The following ITFG2 variants were observed in gnomAD, a reference collection of about 807,000 sequenced individuals.
ITFG2 encodes integrin alpha FG-GAP repeat containing 2.
Under a neutral mutation model 54.4 loss-of-function variants are expected in ITFG2, and 36 were observed. The observed-to-expected ratio is 0.66, with a 90% CI of 0.51 to 0.87. The LOEUF (loss-of-function observed/expected upper bound fraction) is 0.87. Ranked by LOEUF, ITFG2 falls within the 40% of genes least tolerant of loss-of-function variation. The pLI, the probability that ITFG2 is intolerant of heterozygous loss-of-function variation, is 0.00. For missense variants in ITFG2, 524 were observed against 576.7 expected, an observed-to-expected ratio of 0.91 and a Z score of 0.94; for synonymous variants, 211 against 225.4, an observed-to-expected ratio of 0.94 and a Z score of 0.57.
intron 5 of ITFG2, 68 bp from the exon 6 acceptor site, chr12:2,820,656 C>CCCCCCCCTTTT: frequency 8.8e-7 from 1 of 1,141,416 alleles, no homozygotes; most frequent in Non-Finnish European, 1.3e-6. Flanking sequence ...CCACCGCCCC[C>CCCCCCCCTTTT]TGCCGTTCTC....
At chr12:2,812,910 A>G in intron 1 of ITFG2, 54 bp downstream of exon 1, 3 of 1,490,688 alleles carry the variant, frequency 2.0e-6, no homozygotes, top group Non-Finnish European at 1.8e-6. Flanking sequence ...GGACGGGGCA[A>G]GGGAAGTGGA....
chr12:2,850,711 TGCCCAGG>T (rs1360252034), intron 2 of ITFG2, among the ~76,000 whole-genome samples: 2 of 151,628 alleles, frequency 1.3e-5, no homozygotes, highest in African/African-American at 4.8e-5. Context: ...CTCACTCTGT[TGCCCAGG>T]CCGGAGTGCA....
intron 1 of ITFG2, chr12:2,837,033 A>C (rs1200702037): frequency 6.6e-6 from 1 of 152,238 alleles, no homozygotes; most frequent in Admixed American, 6.5e-5. Context: ...CCAGGAAACT[A>C]GTACATTAAG....
chr12:2,830,975 CTTACCCTAGGAGT>C (rs1209902176), downstream of ITFG2: 4 of 1,114,498 alleles, frequency 3.6e-6, no homozygotes, highest in Non-Finnish European at 5.0e-6. Flanking sequence ...AGCCCTGAGC[CTTACCCTAGGAGT>C]TTACCCTAGG....
At position 2,820,709 on chromosome 12, in the gene ITFG2, C is replaced by A. The variant is rs2097941077; in HGVS notation, c.547-15C>A. The A allele has an allele frequency of 6.8e-7, 1 of 1,465,862 alleles. No homozygotes were observed. Among genetic ancestry groups the A allele is most frequent in the East Asian group, 3.1e-5 (1 of 32,488 alleles). The allele number at this position is 1,465,862 out of a possible 1,614,324, so 90.8% of individuals were successfully genotyped here. On this transcript the variant is annotated splice_polypyrimidine_tract_variant and intron_variant, in intron 5 of 11. Coordinates refer to ENST00000228799, the MANE Select transcript of ITFG2 (RefSeq NM_018463.4). ...TTCTCTCTCCGTCTCCCTTTAATCC[C>A]ATTCCCTGGTGCAGGTGGACAGCCT...
chr12:2,833,351 A>G (rs761413946), upstream of ITFG2, among the ~76,000 whole-genome samples: 1 of 151,956 alleles, frequency 6.6e-6, no homozygotes, highest in Non-Finnish European at 1.5e-5. Context: ...GCAAGTAGGA[A>G]TAAGCCCCTG....
At chr12:2,814,778 G>A (rs903865589) in intron 1 of ITFG2, among the ~76,000 whole-genome samples, 7 of 152,242 alleles carry the variant, frequency 4.6e-5, no homozygotes, top group African/African-American at 1.7e-4. Context: ...GCTGCAGTGA[G>A]CCATGATCAC....
intron 3 of ITFG2, chr12:2,858,666 C>T: frequency 4.3e-6 from 7 of 1,614,064 alleles, no homozygotes; most frequent in Non-Finnish European, 5.1e-6. Context: ...AAACTGGGAC[C>T]AGTTGATGTT....
At chr12:2,859,440 T>C (rs1237999587) in intron 3 of ITFG2, 2 of 1,614,038 alleles carry the variant, frequency 1.2e-6, no homozygotes, top group Non-Finnish European at 1.7e-6. Context: ...GTGAGATGAT[T>C]CCTCTTTGAA....
At chr12:2,822,488 A>G (rs2097948914) in intron 9 of ITFG2, among the ~76,000 whole-genome samples, 2 of 152,156 alleles carry the variant, frequency 1.3e-5, no homozygotes, top group African/African-American at 4.8e-5. Context: ...TAGGGGCTAT[A>G]CTTTATATTG....
At chr12:2,822,293 C>G (rs1408564923) in intron 9 of ITFG2, among the ~76,000 whole-genome samples, 1 of 152,136 alleles carries the variant, frequency 6.6e-6, no homozygotes, top group African/African-American at 2.4e-5. Flanking sequence ...ATAATTAATG[C>G]TATACTGTGC....
At chr12:2,819,467 C>CAA (rs113131393) in intron 4 of ITFG2, among the ~76,000 whole-genome samples, 4 of 123,338 alleles carry the variant, frequency 3.2e-5, no homozygotes, top group Non-Finnish European at 3.5e-5. Context: ...GACTCCGTCT[C>CAA]AAAAAAAAAA....
At chr12:2,855,634 T>C (rs1024222548) in intron 2 of ITFG2, among the ~76,000 whole-genome samples, 11 of 152,198 alleles carry the variant, frequency 7.2e-5, no homozygotes, top group Non-Finnish European at 1.6e-4. Context: ...GGCTGCTGCG[T>C]ATCATCTTCA....
At chr12:2,843,767 CGTG>C (rs761531783) in intron 2 of ITFG2, among the ~76,000 whole-genome samples, 3,562 of 150,302 alleles carry the variant, frequency 0.024, 70 homozygotes, top group East Asian at 0.07. Flanking sequence ...GAGCTGAGAT[CGTG>C]CCACTGCACT....
At chr12:2,849,509 C>CAT (rs1565447381) in intron 2 of ITFG2, 1 of 1,535,938 alleles carries the variant, frequency 6.5e-7, no homozygotes, top group East Asian at 2.4e-5. Context: ...CTCCCACCAG[C>CAT]GGATATGTGC....
Position 2,821,587 on chromosome 12 carries a change from A to G in ITFG2, c.838A>G (p.Thr280Ala). The G allele has an allele frequency of 1.9e-6, 3 of 1,614,084 alleles. No homozygotes were observed. Among genetic ancestry groups the G allele is most frequent in the South Asian group, 1.1e-5 (1 of 91,084 alleles). The change falls in exon 8 of 12, where the codon ACC becomes GCC. Residue 280 changes from threonine to alanine, a missense_variant. Transcript: ENST00000228799. ...SSGSGLFALC[T>A]LDGTLKLMEE... ...TGGCTCTGGCCTCTTTGCCCTGTGC[A>G]CCCTGGATGGTGAGCAATGCTAGGA...
At chr12:2,859,032 C>G in intron 3 of ITFG2, 1 of 1,610,410 alleles carries the variant, frequency 6.2e-7, no homozygotes, top group Middle Eastern at 1.7e-4. Context: ...ATCCAGTCCC[C>G]CTACTTTGGC....
At position 2,837,434 on chromosome 12, in the gene ITFG2, C is replaced by T. The variant is rs867147138; in HGVS notation, n.146+478C>T. On this transcript the variant is annotated intron_variant and non_coding_transcript_variant, in intron 1 of 3. Coordinates refer to the ITFG2 transcript ENST00000537710. ...TGGAGCTTGCAGTGAGCCGAGATCA[C>T]GCCACTGCACTCCAGCCTAGGCGAC... Among the ~76,000 whole-genome samples, 115 of 151,670 alleles carry T rather than the reference C, an allele frequency of 7.6e-4. No homozygotes were observed. In the Middle Eastern group the frequency reaches 0.014, roughly 18 times the overall value.
downstream of ITFG2, chr12:2,827,160 TC>T: frequency 6.2e-7 from 1 of 1,613,066 alleles, no homozygotes; most frequent in Non-Finnish European, 8.5e-7. This position sits in a 1 kb window ranked among gnomAD's most constrained non-coding sequence, Gnocchi z 4.0. Flanking sequence ...ACACGCCTCT[TC>T]TTCTAAGGCA....
Sources: allele counts gnomAD v4.1 joint callset (sites outside exome capture counted in the v4.1 genomes callset), GRCh38; gene constraint gnomAD v4.1.1; non-coding constraint Gnocchi (gnomAD v3.1); transcripts MANE v1.5; gene names NCBI Gene and HGNC (gene_info 2026-07-23, HGNC 2026-07-21).